The following SP100 variants were observed in gnomAD, a reference collection of about 807,000 sequenced individuals.
SP100 encodes the protein SP100 nuclear body protein.
A neutral mutation model predicts 130.0 loss-of-function variants in SP100; 84 were observed. The ratio of observed to expected loss-of-function variants is 0.65; its 90% CI spans 0.54 to 0.77. The LOEUF is 0.77. Among genes scored for constraint, SP100 ranks in the 30% least tolerant of loss-of-function variants. The probability of loss-of-function intolerance (pLI) is 0.00; values close to 1 mark genes in which losing one functional copy is unlikely to be tolerated. For synonymous variants in SP100, 331 were observed against 351.7 expected (o/e 0.94, Z 0.66); for missense variants, 978 against 1,052.2 (o/e 0.93, Z 0.97).
At chr2:230,527,591 T>C (rs978201665) in intron 24 of SP100, among the ~76,000 whole-genome samples, 5 of 152,222 alleles carry the variant, frequency 3.3e-5, no homozygotes, top group Middle Eastern at 3.4e-3. Flanking sequence ...ACCTCAAATG[T>C]GAAAGGGCTA....
intron 21 of SP100, among the ~76,000 whole-genome samples, chr2:230,504,786 T>C (rs1435779801): frequency 6.6e-6 from 1 of 152,196 alleles, no homozygotes; most frequent in Non-Finnish European, 1.5e-5. Context: ...TGAGCCCTCT[T>C]CTTCATTTAT....
intron 2 of SP100, among the ~76,000 whole-genome samples, chr2:230,428,235 AT>A (rs769130158): frequency 3.9e-5 from 6 of 152,322 alleles, no homozygotes; most frequent in Non-Finnish European, 7.3e-5. Context: ...CTCAAAAAAA[AT>A]AAATAAATAA....
chr2:230,472,237 G>T (rs1215435925), intron 15 of SP100, among the ~76,000 whole-genome samples: 1 of 151,806 alleles, frequency 6.6e-6, no homozygotes. Context: ...GACCATCCTG[G>T]CTAAAACGGT....
intron 25 of SP100, among the ~76,000 whole-genome samples, chr2:230,540,292 C>A (rs1279514424): frequency 2.0e-5 from 3 of 152,150 alleles, no homozygotes; most frequent in African/African-American, 7.2e-5. Flanking sequence ...AGCCTCCTAG[C>A]ACAGACAGCC....
At chr2:230,503,242 T>G (rs1363782734) in intron 20 of SP100, 132 bp downstream of exon 20, 8 of 557,648 alleles carry the variant, frequency 1.4e-5, no homozygotes, top group Non-Finnish European at 2.1e-5. Flanking sequence ...TGACCAGCAG[T>G]TCATTTTAAG....
intron 17 of SP100, among the ~76,000 whole-genome samples, chr2:230,476,709 A>G (rs2065566116): frequency 1.3e-5 from 2 of 152,226 alleles, no homozygotes; most frequent in Admixed American, 1.3e-4. Flanking sequence ...AACGTTTTAA[A>G]TTGAAATATA....
At chr2:230,450,300 G>T in intron 8 of SP100, 45 bp downstream of exon 8, 2 of 1,445,930 alleles carry the variant, frequency 1.4e-6, no homozygotes, top group South Asian at 1.2e-5. Context: ...TTCTTATTCA[G>T]ATGCTATACA....
chr2:230,515,331 C>T (rs752156471), intron 24 of SP100: 1 of 1,613,594 alleles, frequency 6.2e-7, no homozygotes, highest in Non-Finnish European at 8.5e-7. Flanking sequence ...TGGCCTTTTT[C>T]CTGTTCTGCT....
chr2:230,522,001 CCTGA>C (rs1393074060), intron 24 of SP100, among the ~76,000 whole-genome samples: 1 of 152,090 alleles, frequency 6.6e-6, no homozygotes, highest in African/African-American at 2.4e-5. Context: ...AGGGAAACAC[CCTGA>C]CTGTTTTGAT....
chr2:230,492,921 A>C (rs923676825), intron 17 of SP100, among the ~76,000 whole-genome samples: 7 of 152,300 alleles, frequency 4.6e-5, no homozygotes, highest in African/African-American at 1.7e-4. Flanking sequence ...GTTGCTGTGG[A>C]AAATTCTGTG....
intron 24 of SP100, among the ~76,000 whole-genome samples, chr2:230,526,036 G>T (rs769606698): frequency 3.0e-4 from 46 of 152,216 alleles, no homozygotes; most frequent in Non-Finnish European, 5.3e-4. Flanking sequence ...CTGTCTGACA[G>T]CCCTGAAGAG....
At chr2:230,477,807 T>G (rs1290739296) in intron 17 of SP100, among the ~76,000 whole-genome samples, 9 of 152,150 alleles carry the variant, frequency 5.9e-5, no homozygotes, top group Non-Finnish European at 8.8e-5. Context: ...TCATGGCTTA[T>G]GCCTATAATC....
At position 230,524,398 on chromosome 2, in the gene SP100, C is replaced by A. The variant is rs7592875; in HGVS notation, c.2094+13232C>A. Among the ~76,000 whole-genome samples, 6 of 146,668 alleles carry A rather than the reference C, an allele frequency of 4.1e-5. No individual in the cohort carries two copies. The East Asian group carries it at 9.9e-4, about 24-fold the overall frequency. On this transcript the variant is annotated intron_variant, in intron 24 of 28. Transcript: ENST00000340126. Reference sequence around the variant, plus strand: ...AAAAAGAAAAGAAAAGGAAAAAAAACGTATAAACCCAGCCAAAACAAAATG... The same window carrying A: ...AAAAAGAAAAGAAAAGGAAAAAAAAAGTATAAACCCAGCCAAAACAAAATG...
chr2:230,535,706 G>C (rs1375037178), intron 24 of SP100, among the ~76,000 whole-genome samples: 1 of 151,784 alleles, frequency 6.6e-6, no homozygotes, highest in African/African-American at 2.4e-5. Context: ...TCAGGGGTTT[G>C]AGTCCAGCCT....
chr2:230,450,566 C>A (rs755794157), intron 8 of SP100, among the ~76,000 whole-genome samples: 10 of 152,076 alleles, frequency 6.6e-5, no homozygotes, highest in Non-Finnish European at 1.2e-4. Context: ...TATAAAAGAT[C>A]TCTTAATGTA....
At chr2:230,500,235 T>C (rs2066943369) in intron 19 of SP100, among the ~76,000 whole-genome samples, 1 of 152,196 alleles carries the variant, frequency 6.6e-6, no homozygotes, top group Admixed American at 6.5e-5. Flanking sequence ...CCAAGAACAG[T>C]TAAGTCCTAC....
At chr2:230,505,261 T>A (rs1689991760) in intron 21 of SP100, among the ~76,000 whole-genome samples, 1 of 152,172 alleles carries the variant, frequency 6.6e-6, no homozygotes, top group Admixed American at 6.6e-5. Flanking sequence ...TCTTACCCTA[T>A]GTGAAAGGCC....
chr2:230,434,914 G>A (rs2063204559), intron 2 of SP100, among the ~76,000 whole-genome samples: 1 of 152,210 alleles, frequency 6.6e-6, no homozygotes, highest in South Asian at 2.1e-4. Context: ...CAGACCCTTT[G>A]AACAGTGTAA....
At position 230,530,586 on chromosome 2, in the gene SP100, T is replaced by C. The variant is rs192208154; in HGVS notation, c.2095-8681T>C. On this transcript the variant is annotated intron_variant, in intron 24 of 28. Transcript: ENST00000340126. Reference sequence around the variant, plus strand: ...AAAGCCAAAATAGACAAATGGGTTCTAATTAAATAAAGAGCTTCTGCACAG... The same window carrying C: ...AAAGCCAAAATAGACAAATGGGTTCCAATTAAATAAAGAGCTTCTGCACAG... Among the ~76,000 whole-genome samples, 5 of 152,336 alleles carry C rather than the reference T, an allele frequency of 3.3e-5. No individual in the cohort carries two copies. The East Asian group carries it at 9.6e-4, about 29-fold the overall frequency.
Sources: allele counts gnomAD v4.1 joint callset (sites outside exome capture counted in the v4.1 genomes callset), GRCh38; gene constraint gnomAD v4.1.1; transcripts MANE v1.5; gene names NCBI Gene and HGNC (gene_info 2026-07-23, HGNC 2026-07-21).